Variants in CNTNAP5 observed in about 807,000 individuals in gnomAD.
CNTNAP5 encodes contactin-associated protein-like 5.
CNTNAP5 carries 72 observed loss-of-function variants against 150.2 expected under a neutral mutation model. The ratio of observed to expected loss-of-function variants is 0.48; its 90% CI spans 0.40 to 0.58. CNTNAP5 has a LOEUF of 0.58. Ranked by LOEUF, CNTNAP5 falls within the 20% of genes least tolerant of loss-of-function variation. The probability of loss-of-function intolerance (pLI) is 0.00; values close to 1 mark genes in which losing one functional copy is unlikely to be tolerated. For synonymous variants in CNTNAP5, 672 were observed against 619.8 expected (o/e 1.08, Z -1.25); for missense variants, 1,636 against 1,626.2 (o/e 1.01, Z -0.10).
chr2:124,234,827 G>A (rs78105813), intron 2 of CNTNAP5, among the ~76,000 whole-genome samples: 5,453 of 152,238 alleles, frequency 0.036, 130 homozygotes, highest in Middle Eastern at 0.075. Flanking sequence ...AGTACTGAGC[G>A]TCTTTCAAAA....
At chr2:124,581,704 C>T (rs1416774671) in intron 11 of CNTNAP5, among the ~76,000 whole-genome samples, 1 of 152,112 alleles carries the variant, frequency 6.6e-6, no homozygotes, top group Non-Finnish European at 1.5e-5. Context: ...AAGACCTAGC[C>T]AGCACAGAGA....
In CNTNAP5 at chr2:124,400,669, G is replaced by GTTTTT. The variant is rs760418441; in HGVS notation, c.382-16759_382-16755dup. 5.5e-3 allele frequency among the ~76,000 whole-genome samples: 464 copies of GTTTTT among 84,424 alleles called. 22 individuals are homozygous for GTTTTT. The highest frequency in any genetic ancestry group is 0.031 in the East Asian group (80 of 2,554). 55.4% of individuals were successfully genotyped at this position (84,424 alleles called of 152,430 possible). A position where few individuals can be genotyped will look rare whatever the true frequency, so the allele number is the denominator to read the frequency against. Reference sequence around the variant, plus strand: ...TAATTTTTGAAAGGATAAAGGCATTGTTTTTTTTTTTTTTTTTTTGTTTTT... The same window carrying GTTTTT: ...TAATTTTTGAAAGGATAAAGGCATTGTTTTTTTTTTTTTTTTTTTTTTTTGTTTTT... On this transcript the variant is annotated intron_variant, in intron 3 of 23. Coordinates refer to ENST00000682447, the MANE Select transcript of CNTNAP5 (RefSeq NM_001367498.1).
chr2:124,128,230 T>C (rs545807336), intron 1 of CNTNAP5, among the ~76,000 whole-genome samples: 154 of 151,192 alleles, frequency 1.0e-3, no homozygotes, highest in African/African-American at 3.4e-3. Context: ...AATCAAACAA[T>C]CCCATCAAAA....
intron 13 of CNTNAP5, among the ~76,000 whole-genome samples, chr2:124,648,708 T>G (rs1678257138): frequency 6.6e-6 from 1 of 152,204 alleles, no homozygotes; most frequent in Non-Finnish European, 1.5e-5. Context: ...AGAGTTTCTG[T>G]AAAATGTAAG....
chr2:124,698,449 A>G (rs1422404068), intron 13 of CNTNAP5, among the ~76,000 whole-genome samples: 2 of 151,880 alleles, frequency 1.3e-5, no homozygotes, highest in Non-Finnish European at 2.9e-5. Flanking sequence ...TTTATCATAA[A>G]TTGATTGGTA....
rs529073966 is a variant in CNTNAP5 at position 124,337,401 on chromosome 2, G to T, written c.382-80042G>T. On this transcript the variant is annotated intron_variant, in intron 3 of 23. Coordinates refer to ENST00000682447, the MANE Select transcript of CNTNAP5 (RefSeq NM_001367498.1). Reference sequence around the variant, plus strand: ...AATTAGATCCCATTTGTCAATTTTGGCTTTTGTTGCCATTGCTTTTGGTGT... The same window carrying T: ...AATTAGATCCCATTTGTCAATTTTGTCTTTTGTTGCCATTGCTTTTGGTGT... Among the ~76,000 whole-genome samples the T allele has an allele frequency of 1.6e-3, 245 of 152,170 alleles. 1 individual carries two copies. The highest frequency in any genetic ancestry group is 5.4e-3 in the African/African-American group (223 of 41,534).
chr2:124,330,662 T>C (rs1269574273), intron 3 of CNTNAP5, among the ~76,000 whole-genome samples: 4 of 152,186 alleles, frequency 2.6e-5, no homozygotes, highest in Non-Finnish European at 5.9e-5. Flanking sequence ...TGCAAAACTG[T>C]GAGTCAATTA....
intron 1 of CNTNAP5, among the ~76,000 whole-genome samples, chr2:124,220,264 A>G (rs1000214654): frequency 3.9e-5 from 6 of 152,138 alleles, no homozygotes; most frequent in Admixed American, 3.3e-4. Context: ...AGATTTCATG[A>G]AGTCATTGTT....
At chr2:124,257,188 A>G (rs1687334742) in intron 3 of CNTNAP5, among the ~76,000 whole-genome samples, 1 of 152,224 alleles carries the variant, frequency 6.6e-6, no homozygotes, top group Non-Finnish European at 1.5e-5. Flanking sequence ...ATATGAAAGA[A>G]TAATTTTCTT....
chr2:124,281,878 G>A (rs1443767220), intron 3 of CNTNAP5, among the ~76,000 whole-genome samples: 1 of 152,096 alleles, frequency 6.6e-6, no homozygotes, highest in Non-Finnish European at 1.5e-5. Flanking sequence ...ACTAACCCAA[G>A]CTCTTCCCTC....
intron 1 of CNTNAP5, among the ~76,000 whole-genome samples, chr2:124,195,951 G>A (rs1335962183): frequency 2.6e-5 from 4 of 152,108 alleles, no homozygotes; most frequent in South Asian, 2.1e-4. Flanking sequence ...AGTATGAAGC[G>A]CGGGCCTCTG....
intron 13 of CNTNAP5, among the ~76,000 whole-genome samples, chr2:124,698,301 C>G (rs1458764827): frequency 6.6e-6 from 1 of 151,190 alleles, no homozygotes. Context: ...TTCAAACAGG[C>G]CTCATTCTCT....
chr2:124,454,951 C>T (rs1294364069), intron 6 of CNTNAP5, among the ~76,000 whole-genome samples: 1 of 151,972 alleles, frequency 6.6e-6, no homozygotes, highest in Non-Finnish European at 1.5e-5. Context: ...TCTCAAAGAG[C>T]ACAAGCAGAC....
At chr2:124,390,000 ATAATAATT>A (rs1210860994) in intron 3 of CNTNAP5, among the ~76,000 whole-genome samples, 1 of 151,840 alleles carries the variant, frequency 6.6e-6, no homozygotes, top group Non-Finnish European at 1.5e-5. Context: ...AACAATAATA[ATAATAATT>A]TAAACAGCAA....
intron 1 of CNTNAP5, among the ~76,000 whole-genome samples, chr2:124,052,110 C>T (rs1340131869): frequency 1.3e-5 from 2 of 152,148 alleles, no homozygotes; most frequent in Non-Finnish European, 2.9e-5. Flanking sequence ...CTTATCCTCA[C>T]ATTCTGTACC....
intron 3 of CNTNAP5, among the ~76,000 whole-genome samples, chr2:124,316,183 A>G (rs925629274): frequency 6.6e-6 from 1 of 152,178 alleles, no homozygotes; most frequent in Admixed American, 6.5e-5. Context: ...AATGAATGTA[A>G]GATGTGATCT....
chr2:124,180,185 G>C (rs1285040150), intron 1 of CNTNAP5, among the ~76,000 whole-genome samples: 1 of 152,198 alleles, frequency 6.6e-6, no homozygotes, highest in African/African-American at 2.4e-5. Context: ...GGATGTCAAA[G>C]AGCCTGCATG....
chr2:124,819,415 G>A (rs983469976), intron 19 of CNTNAP5, among the ~76,000 whole-genome samples: 1 of 152,044 alleles, frequency 6.6e-6, no homozygotes, highest in African/African-American at 2.4e-5. Context: ...GGCAGTATGG[G>A]TCGGTTTGAC....
intron 1 of CNTNAP5, among the ~76,000 whole-genome samples, chr2:124,026,966 G>A (rs187082332): frequency 3.9e-5 from 6 of 152,304 alleles, no homozygotes; most frequent in Admixed American, 2.6e-4. Context: ...TCACAACTGA[G>A]CCAGTGTTTC....
Sources: allele counts gnomAD v4.1 joint callset (sites outside exome capture counted in the v4.1 genomes callset), GRCh38; gene constraint gnomAD v4.1.1; transcripts MANE v1.5; gene names NCBI Gene and HGNC (gene_info 2026-07-23, HGNC 2026-07-21).